The following CCDC85A variants were observed in gnomAD, a reference collection of about 807,000 sequenced individuals.
The protein encoded by CCDC85A is coiled-coil domain containing 85A.
CCDC85A carries 38 observed loss-of-function variants against 50.2 expected under a neutral mutation model. The observed-to-expected ratio is 0.76, with a 90% confidence interval of 0.58 to 0.99. CCDC85A has a LOEUF of 0.99. Ranked by LOEUF, CCDC85A falls within the 50% of genes least tolerant of loss-of-function variation. The pLI is 0.00. For missense variants in CCDC85A, 820 were observed against 742.0 expected (o/e 1.11, Z -1.22); for synonymous variants, 366 against 301.4 (o/e 1.21, Z -2.22).
intron 2 of CCDC85A, among the ~76,000 whole-genome samples, chr2:56,251,211 G>A (rs966990039): frequency 6.6e-6 from 1 of 152,218 alleles, no homozygotes. Flanking sequence ...AGGCAGCCCT[G>A]TGTTGAGGGC....
intron 3 of CCDC85A, among the ~76,000 whole-genome samples, chr2:56,345,358 A>C (rs1674584556): frequency 6.6e-6 from 1 of 152,240 alleles, no homozygotes; most frequent in South Asian, 2.1e-4. Flanking sequence ...GCGATGTTAC[A>C]AATGGGAAAA....
chr2:56,268,410 C>T (rs745728870), intron 2 of CCDC85A, among the ~76,000 whole-genome samples: 7 of 151,898 alleles, frequency 4.6e-5, no homozygotes, highest in Non-Finnish European at 1.0e-4. Flanking sequence ...GTGGCTAACA[C>T]GGCTGAAACC....
intron 1 of CCDC85A, chr2:56,185,594 A>G (rs1675988447): frequency 6.6e-6 from 1 of 152,392 alleles, no homozygotes; most frequent in African/African-American, 2.4e-5. Context: ...CTCAGTATGG[A>G]AGGAGCAGCA....
chr2:56,187,958 C>T (rs1030342598), intron 1 of CCDC85A, among the ~76,000 whole-genome samples: 1 of 152,200 alleles, frequency 6.6e-6, no homozygotes, highest in African/African-American at 2.4e-5. Flanking sequence ...CTAACCCAAC[C>T]ACCGACCCGC....
At chr2:56,270,771 AAGGTGTTTAAT>A (rs1401972533) in intron 2 of CCDC85A, among the ~76,000 whole-genome samples, 3 of 152,184 alleles carry the variant, frequency 2.0e-5, no homozygotes, top group Non-Finnish European at 4.4e-5. Flanking sequence ...AATAAAGACA[AAGGTGTTTAAT>A]GTAGGAACTC....
chr2:56,237,412 A>G (rs147574609), intron 2 of CCDC85A, among the ~76,000 whole-genome samples: 82 of 152,356 alleles, frequency 5.4e-4, no homozygotes, highest in African/African-American at 2.0e-3. Context: ...CTTTCACATA[A>G]CATCATAGAG....
intron 2 of CCDC85A, among the ~76,000 whole-genome samples, chr2:56,316,790 A>G (rs1244254950): frequency 1.3e-5 from 2 of 152,150 alleles, no homozygotes; most frequent in East Asian, 1.9e-4. Flanking sequence ...GAAGATTCCC[A>G]CTTCTGTTTC....
intron 2 of CCDC85A, among the ~76,000 whole-genome samples, chr2:56,304,852 C>T (rs1220413680): frequency 6.6e-6 from 1 of 151,384 alleles, no homozygotes; most frequent in Non-Finnish European, 1.5e-5. Context: ...AGTTTGAGAC[C>T]AGCCTGGCCA....
intron 2 of CCDC85A, among the ~76,000 whole-genome samples, chr2:56,292,192 C>T (rs1265816849): frequency 3.9e-5 from 6 of 152,172 alleles, no homozygotes. Flanking sequence ...ATGCCATTCT[C>T]CAGCCTCAGC....
At chr2:56,234,932 C>T (rs1466819214) in intron 2 of CCDC85A, among the ~76,000 whole-genome samples, 1 of 152,122 alleles carries the variant, frequency 6.6e-6, no homozygotes, top group Non-Finnish European at 1.5e-5. Context: ...AGTAGATGTT[C>T]CATGTAGCTA....
chr2:56,342,944 A>C lies in CCDC85A; in HGVS notation c.1306A>C (p.Met436Leu). 1 of 1,593,694 alleles carries C rather than the reference A, an allele frequency of 6.3e-7. No individual in the cohort carries two copies. Among genetic ancestry groups the C allele is most frequent in the Non-Finnish European group, 8.6e-7 (1 of 1,168,976 alleles). ...RVRQLEEENR[M>L]LPQASQNRRQ... is the part of the protein sequence containing the mutation. The stretch of plus-strand genomic sequence containing the variant: ...AAGACAGCTGGAGGAAGAAAATCGC[A>C]TGCTGCCCCAGGTGGGTGACTTCCA... Residue 436 changes from methionine to leucine, a missense_variant, in exon 3 of 6, where the codon ATG becomes CTG. Coordinates refer to ENST00000407595, the MANE Select transcript of CCDC85A (RefSeq NM_001080433.2).
At chr2:56,281,657 T>C (rs1230928394) in intron 2 of CCDC85A, among the ~76,000 whole-genome samples, 1 of 152,214 alleles carries the variant, frequency 6.6e-6, no homozygotes, top group Non-Finnish European at 1.5e-5. Context: ...TTTGTTTGCA[T>C]TTCTCTGATG....
intron 2 of CCDC85A, among the ~76,000 whole-genome samples, chr2:56,317,781 G>C (rs1018266238): frequency 6.6e-6 from 1 of 152,014 alleles, no homozygotes; most frequent in African/African-American, 2.4e-5. Context: ...AGATCTGCTT[G>C]CCTGTAGCTA....
In CCDC85A at chr2:56,242,216, T is replaced by C. The variant is rs576575803; in HGVS notation, c.1240+48776T>C. Among the ~76,000 whole-genome samples the C allele has an allele frequency of 2.6e-5, 4 of 152,234 alleles. No homozygotes were observed. The South Asian group carries it at 6.2e-4, about 24-fold the overall frequency. On this transcript the variant is annotated intron_variant, in intron 2 of 5. Transcript: ENST00000407595. ...TATAGAGTTGTTTGAGCTCCTTATA[T>C]AGTCTTGTTTTTAATCCCTTGTTCA... is the stretch of plus-strand genomic sequence containing the variant.
chr2:56,283,872 T>G (rs921364946), intron 2 of CCDC85A, among the ~76,000 whole-genome samples: 1 of 152,144 alleles, frequency 6.6e-6, no homozygotes, highest in African/African-American at 2.4e-5. Context: ...GTTTTCTACT[T>G]AAGTTAATTT....
At chr2:56,333,260 AGTT>A (rs1673904485) in intron 2 of CCDC85A, among the ~76,000 whole-genome samples, 1 of 152,174 alleles carries the variant, frequency 6.6e-6, no homozygotes, top group South Asian at 2.1e-4. Flanking sequence ...CTCAATGAGA[AGTT>A]GTGATTTGGA....
intron 3 of CCDC85A, among the ~76,000 whole-genome samples, chr2:56,372,108 A>T (rs1676102555): frequency 6.6e-6 from 1 of 152,130 alleles, no homozygotes; most frequent in Non-Finnish European, 1.5e-5. Flanking sequence ...CTACTTTTTG[A>T]TAGAATTTAT....
At chr2:56,254,160 A>C (rs1175778968) in intron 2 of CCDC85A, among the ~76,000 whole-genome samples, 3 of 152,116 alleles carry the variant, frequency 2.0e-5, no homozygotes, top group African/African-American at 7.2e-5. Context: ...GGTTAGCTGG[A>C]GTAATTGTTC....
In CCDC85A at chr2:56,263,624, GTATA is replaced by G. The variant is rs1448017848; in HGVS notation, c.1240+70189_1240+70192del. Among the ~76,000 whole-genome samples the G allele has an allele frequency of 2.0e-5, 3 of 152,174 alleles. No homozygotes were observed. The East Asian group carries it at 5.8e-4, about 29-fold the overall frequency. The stretch of plus-strand genomic sequence containing the variant: ...TGTGTGTTCTTGAGAGTCTGTGTCT[GTATA>G]TATAAGAATATATGCTAGACTGAAA... On this transcript the variant is annotated intron_variant, in intron 2 of 5. Transcript: ENST00000407595.
Sources: gnomAD v4.1 joint callset for allele counts (sites outside exome capture counted in the v4.1 genomes callset) on GRCh38, gnomAD v4.1.1 for gene constraint, MANE v1.5 for transcripts, NCBI Gene and HGNC (gene_info 2026-07-23, HGNC 2026-07-21) for gene names.